The following XPO1 variants were observed in gnomAD, a reference collection of about 807,000 sequenced individuals.
XPO1 encodes exportin-1.
A neutral mutation model predicts 133.3 loss-of-function variants in XPO1; 5 were observed. The ratio of observed to expected loss-of-function variants is 0.04; its 90% CI spans 0.02 to 0.08. The LOEUF is 0.08. XPO1 is among the 10% of genes least tolerant of loss of function. The pLI, the probability that XPO1 is intolerant of heterozygous loss-of-function variation, is 1.00. For synonymous variants in XPO1, 419 were observed against 408.2 expected (o/e 1.03, Z -0.32); for missense variants, 506 against 1,267.5 (o/e 0.40, Z 9.12).
At chr2:61,486,733 T>C (rs1696714293) in intron 19 of XPO1, among the ~76,000 whole-genome samples, 1 of 152,160 alleles carries the variant, frequency 6.6e-6, no homozygotes, top group African/African-American at 2.4e-5. Context: ...ATCTAATGAA[T>C]GCTAACTGGT....
At chr2:61,514,117 G>A (rs1234425498) in intron 4 of XPO1, among the ~76,000 whole-genome samples, 2 of 150,930 alleles carry the variant, frequency 1.3e-5, no homozygotes, top group African/African-American at 4.9e-5. Flanking sequence ...AACCCAGGAG[G>A]CAGAGGTTGC....
At chr2:61,491,390 G>GCAGTGAGCCGAGATTGCGCCACTGCACTC in intron 16 of XPO1, among the ~76,000 whole-genome samples, 2 of 151,340 alleles carry the variant, frequency 1.3e-5, no homozygotes, top group African/African-American at 4.9e-5. Context: ...AGGCAAGGCT[G>GCAGTGAGCCGAGATTGCGCCACTGCACTC]CAGTGAGCCG....
chr2:61,517,925 G>GT (rs1301112716), intron 4 of XPO1, among the ~76,000 whole-genome samples: 1 of 151,938 alleles, frequency 6.6e-6, no homozygotes, highest in Non-Finnish European at 1.5e-5. Flanking sequence ...TCAGGAGTTC[G>GT]AGACCAGCCT....
At chr2:61,509,588 C>T (rs576471110) in intron 4 of XPO1, among the ~76,000 whole-genome samples, 7 of 151,774 alleles carry the variant, frequency 4.6e-5, no homozygotes, top group East Asian at 3.9e-4. Context: ...ATCATGCCGT[C>T]GCACTCCAGC....
chr2:61,494,530 G>T (rs983958798), intron 11 of XPO1: 1 of 159,950 alleles, frequency 6.3e-6, no homozygotes, highest in African/African-American at 2.4e-5. Context: ...CCAAATAAAA[G>T]AAACCAGACA....
Position 61,478,815 on chromosome 2 carries a change from G to T in XPO1, c.*5C>A, listed in dbSNP as rs1696185188. The T allele has an allele frequency of 1.9e-6, 3 of 1,612,390 alleles. No individual in the cohort carries two copies. Among genetic ancestry groups the T allele is most frequent in the Non-Finnish European group, 2.5e-6 (3 of 1,179,370 alleles). ...CAGAGAAAAAAAACAGCATGAATTT[G>T]GATTTTAATCACACATTTCTTCTGG... On this transcript the variant is annotated 3_prime_UTR_variant, in exon 25 of 25. Coordinates refer to ENST00000401558, the MANE Select transcript of XPO1 (RefSeq NM_003400.4).
At chr2:61,500,178 G>A (rs968138427) in intron 6 of XPO1, among the ~76,000 whole-genome samples, 1 of 152,226 alleles carries the variant, frequency 6.6e-6, no homozygotes, top group African/African-American at 2.4e-5. Context: ...CTGCCTGATA[G>A]ATATGTAGAA....
At position 61,483,926 on chromosome 2, in the gene XPO1, C is replaced by G; in HGVS notation, c.2677+11G>C. ...GGCAGGCAAATGAATAAAAGAACATCTTTTATTTACCCGTATCTGCGACAT... is the reference window on the plus strand; with the variant it reads ...GGCAGGCAAATGAATAAAAGAACATGTTTTATTTACCCGTATCTGCGACAT... On this transcript the variant is annotated intron_variant, in intron 21 of 24. Coordinates refer to ENST00000401558, the MANE Select transcript of XPO1 (RefSeq NM_003400.4). 2 of 1,608,914 alleles carry G rather than the reference C, an allele frequency of 1.2e-6. No homozygotes were observed. The highest frequency in any genetic ancestry group is 1.1e-5 in the South Asian group (1 of 89,462).
At chr2:61,533,048 G>A (rs1182382189) in intron 2 of XPO1, among the ~76,000 whole-genome samples, 6 of 151,952 alleles carry the variant, frequency 3.9e-5, no homozygotes, top group Non-Finnish European at 7.4e-5. Flanking sequence ...GCATGGTGGC[G>A]TGTGCCTGTA....
intron 9 of XPO1, among the ~76,000 whole-genome samples, chr2:61,497,368 C>T (rs896911060): frequency 1.3e-5 from 2 of 152,094 alleles, no homozygotes; most frequent in Admixed American, 1.3e-4. Context: ...CATGCCACCA[C>T]GCCCGGCTAA....
intron 2 of XPO1, among the ~76,000 whole-genome samples, chr2:61,533,176 CA>C (rs890238454): frequency 6.6e-6 from 1 of 151,772 alleles, no homozygotes; most frequent in Non-Finnish European, 1.5e-5. Context: ...GAGACTGTCT[CA>C]AAAAAAAGTT....
chr2:61,533,482 A>G (rs1699245985), intron 2 of XPO1, among the ~76,000 whole-genome samples: 1 of 152,230 alleles, frequency 6.6e-6, no homozygotes, highest in African/African-American at 2.4e-5. Flanking sequence ...AGTGCCAAAC[A>G]TATTAAGTAT....
chr2:61,500,700 AAGGC>A (rs1473272004), intron 6 of XPO1, among the ~76,000 whole-genome samples: 2 of 151,386 alleles, frequency 1.3e-5, no homozygotes, highest in Non-Finnish European at 2.9e-5. Context: ...TGGGGAGGCC[AAGGC>A]AGGAGAATTG....
chr2:61,521,375 TA>T (rs1284394254), intron 4 of XPO1, among the ~76,000 whole-genome samples: 1 of 152,164 alleles, frequency 6.6e-6, no homozygotes, highest in Non-Finnish European at 1.5e-5. Flanking sequence ...AGACATATTT[TA>T]AATGAAAATA....
intron 3 of XPO1, among the ~76,000 whole-genome samples, chr2:61,524,717 G>C (rs1240630743): frequency 6.6e-6 from 1 of 152,218 alleles, no homozygotes; most frequent in Non-Finnish European, 1.5e-5. Context: ...AGGAGTTCAA[G>C]ATCAGCCTGA....
intron 4 of XPO1, among the ~76,000 whole-genome samples, chr2:61,515,025 T>C (rs991080493): frequency 1.4e-5 from 2 of 142,994 alleles, no homozygotes; most frequent in African/African-American, 5.3e-5. Flanking sequence ...GCCAAGATCA[T>C]GACACTGCAC....
At chr2:61,514,168 T>C (rs1375607849) in intron 4 of XPO1, among the ~76,000 whole-genome samples, 2 of 145,840 alleles carry the variant, frequency 1.4e-5, no homozygotes, top group South Asian at 2.2e-4. Context: ...GCTGGGGCAA[T>C]AGAGCCAGGC....
chr2:61,529,392 TCACGCCTG>T lies in XPO1; in HGVS notation c.127-2879_127-2872del, dbSNP rs202221329. Among the ~76,000 whole-genome samples the T allele has an allele frequency of 3.3e-4, 51 of 152,298 alleles. No homozygotes were observed. The East Asian group carries it at 9.7e-3, about 29-fold the overall frequency. ...CGTATGCTCGGGTGGGCACCGTGGCTCACGCCTGTAATCCCAACACTTTGGGTGGCCAA... is the reference window on the plus strand; with the variant it reads ...CGTATGCTCGGGTGGGCACCGTGGCTTAATCCCAACACTTTGGGTGGCCAA... On this transcript the variant is annotated intron_variant, in intron 2 of 24. Transcript: ENST00000401558.
intron 3 of XPO1, 99 bp downstream of exon 3, chr2:61,526,321 T>C: frequency 5.5e-6 from 8 of 1,467,142 alleles, no homozygotes; most frequent in Non-Finnish European, 7.1e-6. Context: ...ATAAAATAAT[T>C]TGAGATAACA....
Sources: allele counts gnomAD v4.1 joint callset (sites outside exome capture counted in the v4.1 genomes callset), GRCh38; gene constraint gnomAD v4.1.1; transcripts MANE v1.5; gene names NCBI Gene and HGNC (gene_info 2026-07-23, HGNC 2026-07-21).